ADIPOR2: variants seen among roughly 807,000 people sequenced by gnomAD.
ADIPOR2 encodes adiponectin receptor protein 2.
ADIPOR2 carries 18 observed loss-of-function variants against 40.9 expected under a neutral mutation model. The observed-to-expected ratio is 0.44, with a 90% CI of 0.30 to 0.65. The LOEUF (loss-of-function observed/expected upper bound fraction) is 0.65, where lower values mean the gene tolerates loss of function less well. Among genes scored for constraint, ADIPOR2 ranks in the 30% least tolerant of loss-of-function variants. The pLI is 0.09. For missense variants in ADIPOR2, 283 were observed against 479.2 expected (o/e 0.59, Z 3.82); for synonymous variants, 165 against 166.4 (o/e 0.99, Z 0.06).
rs1429461604 is a variant in ADIPOR2 at position 1,752,621 on chromosome 12, T to C, written c.-86-1637T>C. Among the ~76,000 whole-genome samples, 6 of 152,322 alleles carry C rather than the reference T, an allele frequency of 3.9e-5. No individual in the cohort carries two copies. The East Asian group carries it at 1.2e-3, about 29-fold the overall frequency. Reference sequence around the variant, plus strand: ...TGGGTATAACACAGCTGCTTCTCTTTGAATCCTAATGACCTTGAATAAGTT... The same window carrying C: ...TGGGTATAACACAGCTGCTTCTCTTCGAATCCTAATGACCTTGAATAAGTT... On this transcript the variant is annotated intron_variant, in intron 1 of 7. Coordinates refer to ENST00000357103, the MANE Select transcript of ADIPOR2 (RefSeq NM_024551.3).
chr12:1,748,757 G>GT (rs2094762493), intron 1 of ADIPOR2, among the ~76,000 whole-genome samples: 1 of 151,954 alleles, frequency 6.6e-6, no homozygotes, highest in East Asian at 1.9e-4. Context: ...CTCAAACTGT[G>GT]TTTTTCCTCT....
At chr12:1,703,841 G>A (rs1286995075) in intron 1 of ADIPOR2, among the ~76,000 whole-genome samples, 2 of 151,960 alleles carry the variant, frequency 1.3e-5, no homozygotes, top group African/African-American at 4.8e-5. Context: ...AGCCTCTGTA[G>A]TAGCTAAGAC....
intron 1 of ADIPOR2, among the ~76,000 whole-genome samples, chr12:1,712,638 G>C (rs2094679842): frequency 6.6e-6 from 1 of 152,042 alleles, no homozygotes; most frequent in African/African-American, 2.4e-5. Flanking sequence ...AGGATTTGAA[G>C]GCTGTTTCTG....
intron 1 of ADIPOR2, among the ~76,000 whole-genome samples, chr12:1,746,068 A>G (rs1334365129): frequency 6.6e-6 from 1 of 152,212 alleles, no homozygotes; most frequent in Admixed American, 6.5e-5. Flanking sequence ...AAAAAAAATG[A>G]CATGATCTAA....
chr12:1,748,301 T>G (rs954397178), intron 1 of ADIPOR2, among the ~76,000 whole-genome samples: 5 of 152,178 alleles, frequency 3.3e-5, no homozygotes, highest in African/African-American at 4.8e-5. Flanking sequence ...CAGGCTGGAG[T>G]GCAGTGGCGC....
At chr12:1,747,405 C>A (rs887057744) in intron 1 of ADIPOR2, among the ~76,000 whole-genome samples, 1 of 147,554 alleles carries the variant, frequency 6.8e-6, no homozygotes. Flanking sequence ...ACACAGCATA[C>A]CAAAACTTAG....
intron 2 of ADIPOR2, among the ~76,000 whole-genome samples, chr12:1,770,973 A>G (rs1193979653): frequency 1.3e-5 from 2 of 152,228 alleles, no homozygotes; most frequent in Non-Finnish European, 2.9e-5. Context: ...ATAGGGCCAC[A>G]GTACATAGAT....
intron 1 of ADIPOR2, among the ~76,000 whole-genome samples, chr12:1,737,658 C>G (rs1358385694): frequency 4.6e-5 from 7 of 152,178 alleles, no homozygotes; most frequent in Admixed American, 1.3e-4. Context: ...TCTTGGCTCA[C>G]TGTGACCTCT....
intron 1 of ADIPOR2, among the ~76,000 whole-genome samples, chr12:1,702,493 A>G (rs1208883262): frequency 6.6e-6 from 1 of 152,168 alleles, no homozygotes; most frequent in Non-Finnish European, 1.5e-5. Flanking sequence ...TACAAATCAG[A>G]TGAGTGTGAA....
intron 1 of ADIPOR2, among the ~76,000 whole-genome samples, chr12:1,707,238 G>A (rs2094665212): frequency 6.6e-6 from 1 of 152,124 alleles, no homozygotes; most frequent in East Asian, 1.9e-4. Flanking sequence ...TGATGTACAA[G>A]TCTTTTTGTG....
At chr12:1,783,555 C>T (rs989093722) in intron 6 of ADIPOR2, among the ~76,000 whole-genome samples, 2 of 152,020 alleles carry the variant, frequency 1.3e-5, no homozygotes, top group South Asian at 2.1e-4. Context: ...TGCGCTACCA[C>T]GCCTGGCTAC....
intron 1 of ADIPOR2, among the ~76,000 whole-genome samples, chr12:1,715,619 CT>C (rs775419316): frequency 2.0e-5 from 3 of 152,190 alleles, no homozygotes; most frequent in Non-Finnish European, 4.4e-5. Context: ...TTCTTTACCC[CT>C]ATCCAGCAGG....
intron 1 of ADIPOR2, among the ~76,000 whole-genome samples, chr12:1,720,970 C>CAG (rs1473923151): frequency 6.6e-6 from 1 of 152,130 alleles, no homozygotes. Flanking sequence ...ATTGGTCTCT[C>CAG]ACCTAACTTT....
At chr12:1,757,975 C>T in intron 2 of ADIPOR2, 2 of 1,059,814 alleles carry the variant, frequency 1.9e-6, no homozygotes, top group South Asian at 1.3e-5. Flanking sequence ...TTTGGAGCTG[C>T]TGCCCACTTC....
chr12:1,699,681 T>C (rs2094646372), intron 1 of ADIPOR2, among the ~76,000 whole-genome samples: 1 of 152,100 alleles, frequency 6.6e-6, no homozygotes, highest in Admixed American at 6.5e-5. Flanking sequence ...CATTATAAAA[T>C]TGTCACTTTG....
intron 1 of ADIPOR2, among the ~76,000 whole-genome samples, chr12:1,693,059 G>A (rs1316681348): frequency 2.0e-5 from 3 of 152,128 alleles, no homozygotes; most frequent in Non-Finnish European, 4.4e-5. Flanking sequence ...GGAGGCTGAG[G>A]CAGGAGAATC....
At chr12:1,750,777 T>C in intron 1 of ADIPOR2, among the ~76,000 whole-genome samples, 1 of 152,206 alleles carries the variant, frequency 6.6e-6, no homozygotes, top group Non-Finnish European at 1.5e-5. Context: ...GAAATCCATA[T>C]ATCAATTTTA....
At chr12:1,775,812 C>T (rs1227789352) in intron 3 of ADIPOR2, among the ~76,000 whole-genome samples, 1 of 152,210 alleles carries the variant, frequency 6.6e-6, no homozygotes, top group Non-Finnish European at 1.5e-5. Flanking sequence ...CAGAGGTTGA[C>T]AGACTTCCAG....
chr12:1,765,494 T>C (rs1862357143), intron 2 of ADIPOR2, among the ~76,000 whole-genome samples: 1 of 152,210 alleles, frequency 6.6e-6, no homozygotes, highest in Non-Finnish European at 1.5e-5. Context: ...AAAATTGTTA[T>C]GAGGGTTTGA....
Sources: gnomAD v4.1 joint callset for allele counts (sites outside exome capture counted in the v4.1 genomes callset) on GRCh38, gnomAD v4.1.1 for gene constraint, MANE v1.5 for transcripts, NCBI Gene and HGNC (gene_info 2026-07-23, HGNC 2026-07-21) for gene names.